RICTOR: variants seen among roughly 807,000 people sequenced by gnomAD.
RICTOR encodes the protein RPTOR independent companion of MTOR complex 2, also known as rapamycin-insensitive companion of mTOR.
In RICTOR, 49 loss-of-function variants were observed where a neutral mutation model predicts 214.9. The ratio of observed to expected loss-of-function variants is 0.23; its 90% CI spans 0.18 to 0.29. The LOEUF is 0.29. RICTOR is among the 10% of genes least tolerant of loss of function. The pLI is 1.00. For missense variants in RICTOR, 1,625 were observed against 2,047.0 expected (o/e 0.79, Z 3.98); for synonymous variants, 717 against 711.3 (o/e 1.01, Z -0.13).
chr5:38,990,581 T>C (rs1752552731), intron 7 of RICTOR, among the ~76,000 whole-genome samples: 1 of 145,096 alleles, frequency 6.9e-6, no homozygotes, highest in African/African-American at 2.6e-5. Flanking sequence ...ATATATGATA[T>C]ATACATGATA....
chr5:38,981,750 G>C (rs993381366), intron 8 of RICTOR, 117 bp downstream of exon 8: 5 of 639,622 alleles, frequency 7.8e-6, no homozygotes, highest in African/African-American at 7.4e-5. Flanking sequence ...ATTAGTGTCG[G>C]CTAATTTAGG....
chr5:39,002,712 A>G, intron 4 of RICTOR, 46 bp from the exon 5 acceptor site: 7 of 1,549,752 alleles, frequency 4.5e-6, no homozygotes, highest in Non-Finnish European at 4.3e-6. Flanking sequence ...ACAGGTTTCA[A>G]ATACACACAA....
At chr5:39,064,475 G>C (rs1208583361) in intron 2 of RICTOR, among the ~76,000 whole-genome samples, 1 of 152,174 alleles carries the variant, frequency 6.6e-6, no homozygotes, top group Non-Finnish European at 1.5e-5. Flanking sequence ...AAAGTATTTA[G>C]ATTATATATT....
chr5:38,968,182 T>TA, intron 11 of RICTOR, 152 bp from the exon 12 acceptor site: 1 of 592,094 alleles, frequency 1.7e-6, no homozygotes, highest in East Asian at 2.8e-5. Flanking sequence ...ATGGACCATA[T>TA]ATACGATGGT....
At position 39,010,330 on chromosome 5, in the gene RICTOR, T is replaced by C. The variant is rs181508211; in HGVS notation, c.196-6708A>G. Among the ~76,000 whole-genome samples the C allele has an allele frequency of 8.5e-5, 13 of 152,288 alleles. No homozygotes were observed. The East Asian group carries it at 1.9e-3, about 23-fold the overall frequency. ...CTCCCCAGCCATGCAGAACTGTAAG[T>C]CAATTAAACCTCTTTCCTTTATAGA... On this transcript the variant is annotated intron_variant, in intron 3 of 37. Coordinates refer to ENST00000357387, the MANE Select transcript of RICTOR (RefSeq NM_152756.5).
At chr5:39,018,470 C>A (rs191915494) in intron 3 of RICTOR, among the ~76,000 whole-genome samples, 1 of 152,250 alleles carries the variant, frequency 6.6e-6, no homozygotes, top group Admixed American at 6.5e-5. Context: ...CAAGCAAGTT[C>A]ATTGGTGCCA....
rs532500577 is a variant in RICTOR at position 38,974,069 on chromosome 5, A to C, written c.889+1468T>G. ...CTCTAAGTTTCTTTCTTTTTTTTTGAGACAGAGTCTCGCTCTATCACCCAG... is the reference window on the plus strand; with the variant it reads ...CTCTAAGTTTCTTTCTTTTTTTTTGCGACAGAGTCTCGCTCTATCACCCAG... On this transcript the variant is annotated intron_variant, in intron 10 of 37. Coordinates refer to ENST00000357387, the MANE Select transcript of RICTOR (RefSeq NM_152756.5). Among the ~76,000 whole-genome samples the C allele has an allele frequency of 2.0e-5, 3 of 147,418 alleles. No individual in the cohort carries two copies. In the South Asian group the frequency reaches 6.4e-4, roughly 32 times the overall value.
chr5:39,046,377 A>T (rs567959131), intron 2 of RICTOR, among the ~76,000 whole-genome samples: 2 of 135,786 alleles, frequency 1.5e-5, no homozygotes, highest in South Asian at 2.3e-4. Flanking sequence ...AAACAAAATT[A>T]AAAAAAAAAA....
intron 2 of RICTOR, among the ~76,000 whole-genome samples, chr5:39,022,038 C>T (rs906549980): frequency 1.3e-5 from 2 of 152,022 alleles, no homozygotes; most frequent in Non-Finnish European, 2.9e-5. Flanking sequence ...CCCATAAAAC[C>T]ATTGTTTTTC....
rs751445874 is a variant in RICTOR at position 38,950,449 on chromosome 5, T to C, written c.3399A>G (p.Thr1133=). The C allele has an allele frequency of 2.6e-5, 42 of 1,613,492 alleles. No individual in the cohort carries two copies. The highest frequency in any genetic ancestry group is 1.3e-5 in the Non-Finnish European group (15 of 1,179,674). ...ESKTSNRRIR[T]LTEPSVDFNH... ...TAAAATCAACACTGGGCTCCGTAAG[T>C]GTTCTGATTCGCCTGTTGCTTGTCT... Residue 1133 remains threonine, a synonymous_variant, in exon 31 of 38, where the codon ACA becomes ACG. Coordinates refer to ENST00000357387, the MANE Select transcript of RICTOR (RefSeq NM_152756.5).
intron 2 of RICTOR, among the ~76,000 whole-genome samples, chr5:39,035,169 T>C (rs1375333218): frequency 1.3e-4 from 20 of 152,118 alleles, no homozygotes; most frequent in Admixed American, 1.3e-3. Flanking sequence ...TTCACCAATA[T>C]CCACTGTTCT....
chr5:38,998,858 A>G (rs1385082977), intron 5 of RICTOR, among the ~76,000 whole-genome samples: 2 of 151,772 alleles, frequency 1.3e-5, no homozygotes, highest in Non-Finnish European at 2.9e-5. Flanking sequence ...CTACTAAAAT[A>G]GAAAAAAATT....
intron 5 of RICTOR, among the ~76,000 whole-genome samples, chr5:38,999,027 C>CAAAAAAAAAAAAAAAA (rs1186312478): frequency 3.9e-5 from 1 of 25,342 alleles, no homozygotes; most frequent in African/African-American, 1.6e-4. Context: ...AACAAACAGG[C>CAAAAAAAAAAAAAAAA]AAAAAAAAAA....
At chr5:39,012,833 A>G (rs1754644131) in intron 3 of RICTOR, among the ~76,000 whole-genome samples, 1 of 151,882 alleles carries the variant, frequency 6.6e-6, no homozygotes, top group African/African-American at 2.4e-5. Flanking sequence ...CCATCCATGC[A>G]TTTTTTTTAA....
Position 38,952,977 on chromosome 5 carries a change from T to C in RICTOR, c.2897+8A>G. 1 of 1,528,318 alleles carries C rather than the reference T, an allele frequency of 6.5e-7. No individual in the cohort carries two copies. The highest frequency in any genetic ancestry group is 1.7e-5 in the Admixed American group (1 of 58,204). The allele number at this position is 1,528,318 out of a possible 1,614,324, so 94.7% of individuals were successfully genotyped here. ...ACATTAGAAAGATTTCTGAGTTAAA[T>C]GACCTACCCTCTGATGGAAAGAACT... On this transcript the variant is annotated splice_region_variant and intron_variant, in intron 29 of 37. Transcript: ENST00000357387.
intron 2 of RICTOR, among the ~76,000 whole-genome samples, chr5:39,023,991 T>A (rs1580127222): frequency 6.6e-6 from 1 of 152,210 alleles, no homozygotes. Context: ...ACAGGTTCTG[T>A]GGAAAACAAT....
chr5:38,990,526 G>GATATATACACGATATATACACGAT (rs1554067781), intron 7 of RICTOR, among the ~76,000 whole-genome samples: 25 of 137,044 alleles, frequency 1.8e-4, no homozygotes, highest in African/African-American at 3.7e-4. Flanking sequence ...ATATATATAC[G>GATATATACACGATATATACACGAT]ATATATATAC....
chr5:39,026,512 G>C (rs892693642), intron 2 of RICTOR, among the ~76,000 whole-genome samples: 1 of 152,064 alleles, frequency 6.6e-6, no homozygotes, highest in Admixed American at 6.5e-5. Flanking sequence ...TATTCCTGAT[G>C]AATCTCTCTG....
intron 2 of RICTOR, among the ~76,000 whole-genome samples, chr5:39,028,077 T>C (rs2150146180): frequency 6.7e-6 from 1 of 149,830 alleles, no homozygotes; most frequent in Non-Finnish European, 1.5e-5. Flanking sequence ...AAATGAAAAT[T>C]AAAACCACAG....
Sources: gnomAD v4.1 joint callset for allele counts (sites outside exome capture counted in the v4.1 genomes callset) on GRCh38, gnomAD v4.1.1 for gene constraint, MANE v1.5 for transcripts, NCBI Gene and HGNC (gene_info 2026-07-23, HGNC 2026-07-21) for gene names.